Variants in POLA2 observed in about 807,000 individuals in gnomAD.
POLA2 encodes the protein DNA polymerase alpha 2, accessory subunit.
Under a neutral mutation model 82.8 loss-of-function variants are expected in POLA2, and 47 were observed. That is an observed-to-expected ratio of 0.57 (90% CI 0.45 to 0.72). POLA2 has a LOEUF of 0.72. POLA2 is among the 30% of genes least tolerant of loss of function. POLA2 has a pLI of 0.00. For synonymous variants in POLA2, 287 were observed against 286.8 expected, an observed-to-expected ratio of 1.00 and a Z score of -0.01; for missense variants, 634 against 728.1, an observed-to-expected ratio of 0.87 and a Z score of 1.49.
chr11:65,263,664 C>T (rs1427916567), intron 1 of POLA2, among the ~76,000 whole-genome samples: 2 of 151,722 alleles, frequency 1.3e-5, no homozygotes, highest in Admixed American at 1.3e-4. Context: ...CCTGTCTCTA[C>T]TAAAAATACA....
At chr11:65,292,122 T>C (rs1363489296) in intron 13 of POLA2, among the ~76,000 whole-genome samples, 1 of 152,140 alleles carries the variant, frequency 6.6e-6, no homozygotes, top group Admixed American at 6.5e-5. Flanking sequence ...GCTTGTAGTC[T>C]CAGCTACTCG....
intron 1 of POLA2, among the ~76,000 whole-genome samples, chr11:65,264,572 C>T (rs1356145728): frequency 2.0e-5 from 3 of 152,188 alleles, no homozygotes; most frequent in Non-Finnish European, 4.4e-5. Flanking sequence ...CACCCTCACT[C>T]TCAGCTGACA....
intron 10 of POLA2, among the ~76,000 whole-genome samples, chr11:65,286,225 G>A (rs1349905620): frequency 2.0e-5 from 3 of 152,092 alleles, no homozygotes; most frequent in Non-Finnish European, 2.9e-5. Flanking sequence ...TAGGCTTCTG[G>A]CTTTGCCGCT....
At chr11:65,271,364 T>G (rs1377595331) in intron 4 of POLA2, among the ~76,000 whole-genome samples, 2 of 152,224 alleles carry the variant, frequency 1.3e-5, no homozygotes, top group Non-Finnish European at 2.9e-5. Flanking sequence ...TTTTATGTAA[T>G]TTGTCTGTGT....
chr11:65,300,366 T>C (rs976133196), downstream of POLA2, among the ~76,000 whole-genome samples: 3 of 151,280 alleles, frequency 2.0e-5, no homozygotes, highest in Non-Finnish European at 4.4e-5. Context: ...TGGCTGATTT[T>C]TATATTTTTA....
intron 2 of POLA2, 68 bp from the exon 3 acceptor site, chr11:65,267,409 G>A (rs1949472837): frequency 1.1e-6 from 1 of 879,188 alleles, no homozygotes; most frequent in Non-Finnish European, 1.8e-6. Flanking sequence ...ATTATCTCAA[G>A]GCTTTTGAAA....
chr11:65,286,533 G>C (rs868851737), intron 10 of POLA2, among the ~76,000 whole-genome samples: 1 of 151,946 alleles, frequency 6.6e-6, no homozygotes. Flanking sequence ...GGCTCAGGAG[G>C]TACGCACCAC....
At chr11:65,284,127 C>A (rs905301826) in intron 10 of POLA2, among the ~76,000 whole-genome samples, 10 of 143,060 alleles carry the variant, frequency 7.0e-5, no homozygotes, top group Admixed American at 2.1e-4. Context: ...GAGTAAGACA[C>A]TAGATAGATA....
At chr11:65,284,126 A>G (rs1045086872) in intron 10 of POLA2, among the ~76,000 whole-genome samples, 10 of 132,068 alleles carry the variant, frequency 7.6e-5, no homozygotes, top group Admixed American at 2.3e-4. Context: ...AGAGTAAGAC[A>G]CTAGATAGAT....
downstream of POLA2, among the ~76,000 whole-genome samples, chr11:65,299,462 T>C (rs181550257): frequency 6.6e-6 from 1 of 152,192 alleles, no homozygotes; most frequent in East Asian, 1.9e-4. Flanking sequence ...CTAGTTGCTG[T>C]TCCTGGGAAC....
intron 4 of POLA2, among the ~76,000 whole-genome samples, chr11:65,274,333 T>C (rs1422652598): frequency 6.7e-6 from 1 of 148,280 alleles, no homozygotes; most frequent in Non-Finnish European, 1.5e-5. Context: ...CACATCGCAC[T>C]CCAGCCTGGG....
chr11:65,294,018 CAG>C (rs1949782631), intron 13 of POLA2, 133 bp from the exon 14 acceptor site: 5 of 768,394 alleles, frequency 6.5e-6, no homozygotes, highest in South Asian at 4.1e-5. Flanking sequence ...CTGTTCATAA[CAG>C]AGTGCAGTTC....
At chr11:65,302,649 C>T (rs1017805131), downstream of POLA2, among the ~76,000 whole-genome samples, 32 of 152,016 alleles carry the variant, frequency 2.1e-4, no homozygotes, top group African/African-American at 6.5e-4. Flanking sequence ...CCTCTGGGGA[C>T]GGGTGTCCAA....
At chr11:65,285,177 G>GGGC (rs975214337) in intron 10 of POLA2, among the ~76,000 whole-genome samples, 2 of 152,004 alleles carry the variant, frequency 1.3e-5, no homozygotes, top group Non-Finnish European at 2.9e-5. Context: ...AGGCCGAGGT[G>GGGC]GGCGGATCAC....
At chr11:65,274,738 G>GA (rs1436001749) in intron 4 of POLA2, among the ~76,000 whole-genome samples, 1 of 151,660 alleles carries the variant, frequency 6.6e-6, no homozygotes, top group Non-Finnish European at 1.5e-5. Flanking sequence ...AATATAGAGT[G>GA]AAAAAATTCA....
rs774543893 is a variant in POLA2 at position 65,289,846 on chromosome 11, A to G, written c.1218A>G (p.Leu406=). Residue 406 remains leucine, a synonymous_variant, in exon 13 of 18, where the codon CTA becomes CTG. Transcript: ENST00000265465. ...SPFEDIFKQC[L]RTIIEGTRSS... The stretch of plus-strand genomic sequence containing the variant: ...TTGAAGACATTTTCAAGCAGTGTCT[A>G]CGAACAATTATTGAAGGCACAAGAA... The G allele has an allele frequency of 1.2e-6, 2 of 1,610,418 alleles. No homozygotes were observed. Among genetic ancestry groups the G allele is most frequent in the South Asian group, 2.2e-5 (2 of 90,996 alleles).
intron 1 of POLA2, among the ~76,000 whole-genome samples, chr11:65,263,823 G>T (rs2137481121): frequency 6.7e-6 from 1 of 149,416 alleles, no homozygotes; most frequent in East Asian, 2.0e-4. Context: ...GCGAGACTCT[G>T]TCTCAAAAAA....
In POLA2 at chr11:65,282,359, G is replaced by T. The variant is rs540008307; in HGVS notation, c.964-120G>T. 5.1e-6 allele frequency: 4 copies of T among 779,046 alleles called. No homozygotes were observed. The East Asian group carries it at 9.8e-5, about 19-fold the overall frequency. 48.3% of individuals were successfully genotyped at this position (779,046 alleles called of 1,614,324 possible). ...AGGCACATCCTTCCCCTGCCCTCTCGCTCCTCCCCACTGTCCTCCCATCAC... is the reference window on the plus strand; with the variant it reads ...AGGCACATCCTTCCCCTGCCCTCTCTCTCCTCCCCACTGTCCTCCCATCAC... On this transcript the variant is annotated intron_variant, in intron 9 of 17. Transcript: ENST00000265465.
chr11:65,294,309 C>A, intron 14 of POLA2, 48 bp downstream of exon 14: 1 of 1,433,458 alleles, frequency 7.0e-7, no homozygotes, highest in Non-Finnish European at 9.8e-7. Context: ...ATCCAGCATG[C>A]CTCTGCCACT....
Sources: allele counts gnomAD v4.1 joint callset (sites outside exome capture counted in the v4.1 genomes callset), GRCh38; gene constraint gnomAD v4.1.1; transcripts MANE v1.5; gene names NCBI Gene and HGNC (gene_info 2026-07-23, HGNC 2026-07-21).